Variants in MADD observed in about 807,000 individuals in gnomAD.
MADD encodes the protein MAP kinase activating death domain, also known as MAP kinase-activating death domain protein.
A neutral mutation model predicts 176.7 loss-of-function variants in MADD; 109 were observed. The observed-to-expected ratio is 0.62, with a 90% CI of 0.53 to 0.72. The LOEUF is 0.72. MADD is among the 30% of genes least tolerant of loss of function. The pLI is 0.00. For missense variants in MADD, 1,914 were observed against 2,045.5 expected (o/e 0.94, Z 1.24); for synonymous variants, 771 against 771.3 (o/e 1.00, Z 0.01).
At chr11:47,284,606 G>A in intron 12 of MADD, 41 bp downstream of exon 12, 1 of 1,596,870 alleles carries the variant, frequency 6.3e-7, no homozygotes. Context: ...CATGGCCTGG[G>A]ATGTGGGCCT....
Position 47,325,425 on chromosome 11 carries a change from T to C in MADD, c.4542+848T>C, listed in dbSNP as rs2095328552. Reference sequence around the variant, plus strand: ...CCTGAGGCTCTGAGCCAGACCCAAATGTGTGAAGCCCCACAGACCCTGGCC... The same window carrying C: ...CCTGAGGCTCTGAGCCAGACCCAAACGTGTGAAGCCCCACAGACCCTGGCC... On this transcript the variant is annotated intron_variant, in intron 30 of 32. Transcript: ENST00000402192. This position sits in a 1 kb window ranked among gnomAD's most constrained non-coding sequence, Gnocchi z 4.5. 6.6e-6 allele frequency: 1 copy of C among 152,352 alleles called. No homozygotes were observed. The highest frequency in any genetic ancestry group is 1.5e-5 in the Non-Finnish European group (1 of 68,182). 9.4% of individuals were successfully genotyped at this position (152,352 alleles called of 1,614,324 possible).
chr11:47,292,728 G>T, intron 19 of MADD, 132 bp downstream of exon 21: 1 of 806,976 alleles, frequency 1.2e-6, no homozygotes, highest in Non-Finnish European at 2.1e-6. Flanking sequence ...ATGGCAGCAG[G>T]TAGGTAGCAT....
intron 15 of MADD, among the ~76,000 whole-genome samples, chr11:47,287,322 A>AAAAAAAC (rs371090957): frequency 1.3e-5 from 2 of 152,176 alleles, no homozygotes; most frequent in African/African-American, 2.4e-5. Context: ...ACTCCGTCTT[A>AAAAAAAC]AAAAAACAAA....
intron 25 of MADD, among the ~76,000 whole-genome samples, chr11:47,310,798 T>C (rs534744620): frequency 4.6e-5 from 7 of 151,646 alleles, no homozygotes; most frequent in Non-Finnish European, 7.4e-5. Context: ...TCCCAGCTAC[T>C]TGGGAGGCTG....
At chr11:47,274,061 G>T in intron 2 of MADD, 85 bp downstream of exon 2, 1 of 1,223,266 alleles carries the variant, frequency 8.2e-7, no homozygotes. Context: ...TTTCCATGTT[G>T]CTTTGCATAG....
At chr11:47,315,285 A>C in exon 27 of MADD, 2 of 1,613,852 alleles carry the variant, frequency 1.2e-6, no homozygotes, top group Non-Finnish European at 1.7e-6. Flanking sequence ...CATTTGTGGT[A>C]CATGCAGGGA....
Position 47,285,099 on chromosome 11 carries a change from C to T in MADD, c.2316C>T (p.Tyr772=), listed in dbSNP as rs747797294. ...GCCGGCGAATCTATGACAATCCATA[C>T]TTCGAGCCCCAATATGGCTTTCCCC... Residue 772 remains tyrosine, a synonymous_variant, in exon 13 of 33, where the codon TAC becomes TAT. Transcript: ENST00000402192. 8 of 1,614,156 alleles carry T rather than the reference C, an allele frequency of 5.0e-6. No individual in the cohort carries two copies. In the Admixed American group the frequency reaches 1.2e-4, roughly 24 times the overall value.
At chr11:47,289,892 G>T in exon 17 of MADD, 1 of 1,613,940 alleles carries the variant, frequency 6.2e-7, no homozygotes, top group Non-Finnish European at 8.5e-7. Context: ...CCTGAAGGAG[G>T]TGGTGCACAG....
exon 4 of MADD, chr11:47,276,054 T>C (rs1319813517): frequency 6.2e-7 from 1 of 1,614,094 alleles, no homozygotes; most frequent in Non-Finnish European, 8.5e-7. Flanking sequence ...ATCGAGGTCC[T>C]ACCCCAAGAG....
At chr11:47,299,659 A>C (rs1235067277) in intron 22 of MADD, among the ~76,000 whole-genome samples, 2 of 101,022 alleles carry the variant, frequency 2.0e-5, no homozygotes, top group African/African-American at 8.2e-5. Flanking sequence ...TCTCCCGAGT[A>C]GCTGGGACTG....
chr11:47,306,139 G>A (rs1283906774), intron 22 of MADD, among the ~76,000 whole-genome samples: 1 of 152,190 alleles, frequency 6.6e-6, no homozygotes, highest in Non-Finnish European at 1.5e-5. Flanking sequence ...TCTAAGTACT[G>A]TTTTCATAGT....
rs371090957 is a variant in MADD at position 47,287,322 on chromosome 11, AAAAAAAC to A, written c.2653+803_2653+809del. 2.1e-3 allele frequency among the ~76,000 whole-genome samples: 322 copies of A among 152,294 alleles called. 1 individual carries two copies. Among genetic ancestry groups the A allele is most frequent in the African/African-American group, 6.7e-3 (278 of 41,574 alleles). On this transcript the variant is annotated intron_variant, in intron 15 of 32. Transcript: ENST00000402192. The stretch of plus-strand genomic sequence containing the variant: ...GGGTGACAGAGCAAGACTCCGTCTT[AAAAAAAC>A]AAAAAACAAAAAACGAAACCTTATT...
chr11:47,290,851 C>T (rs774910222), intron 19 of MADD, 35 bp downstream of exon 20: 28 of 1,521,218 alleles, frequency 1.8e-5, no homozygotes, highest in African/African-American at 2.7e-5. Context: ...GTGGAGGGGT[C>T]CTGGCTTCTT....
At chr11:47,278,212 C>T in exon 6 of MADD, 1 of 1,614,178 alleles carries the variant, frequency 6.2e-7, no homozygotes, top group Non-Finnish European at 8.5e-7. Flanking sequence ...CTGCCAGCTT[C>T]TTCCTCTACA....
chr11:47,290,385 C>A, intron 18 of MADD, 86 bp downstream of exon 19: 1 of 1,514,152 alleles, frequency 6.6e-7, no homozygotes, highest in Non-Finnish European at 8.9e-7. Flanking sequence ...ACCCAGGACA[C>A]GTTTCCCAGT....
intron 30 of MADD, among the ~76,000 whole-genome samples, chr11:47,326,327 T>TTGCGCCCGTGCCAGCCCTC (rs2095454924): frequency 6.6e-6 from 1 of 152,138 alleles, no homozygotes; most frequent in African/African-American, 2.4e-5. Context: ...GAGGGGAGCT[T>TTGCGCCCGTGCCAGCCCTC]TGCGCCCGTG....
upstream of MADD, chr11:47,269,628 G>GCGCGCGCCCGGTGGAGGTAACCGCGGC (rs1253824577): frequency 6.7e-6 from 1 of 150,030 alleles, no homozygotes; most frequent in Admixed American, 6.6e-5. Flanking sequence ...CCCACTCCCC[G>GCGCGCGCCCGGTGGAGGTAACCGCGGC]CGCGCGCCCG....
At chr11:47,324,128 G>C (rs2095045665) in intron 28 of MADD, 137 bp from the exon 32 acceptor site, 1 of 738,246 alleles carries the variant, frequency 1.4e-6, no homozygotes, top group Non-Finnish European at 2.3e-6. Context: ...CAATGAATAA[G>C]ACATCCGAAA....
chr11:47,320,404 G>A (rs1006631933), intron 27 of MADD, among the ~76,000 whole-genome samples: 22 of 151,622 alleles, frequency 1.5e-4, no homozygotes, highest in Admixed American at 3.3e-4. Context: ...GCAGTGAGCC[G>A]AGATTGCACC....
Sources: gnomAD v4.1 joint callset for allele counts (sites outside exome capture counted in the v4.1 genomes callset) on GRCh38, gnomAD v4.1.1 for gene constraint, Gnocchi (gnomAD v3.1) non-coding constraint, MANE v1.5 for transcripts, NCBI Gene and HGNC (gene_info 2026-07-23, HGNC 2026-07-21) for gene names.